FAM110B: variants seen among roughly 807,000 people sequenced by gnomAD.
FAM110B encodes the protein family with sequence similarity 110 member B.
Under a neutral mutation model 20.4 loss-of-function variants are expected in FAM110B, and 6 were observed. The observed-to-expected ratio is 0.29, with a 90% CI of 0.16 to 0.58. The LOEUF is 0.58. FAM110B is among the 20% of genes least tolerant of loss of function. The pLI is 0.90. For synonymous variants in FAM110B, 226 were observed against 214.1 expected (o/e 1.06, Z -0.49); for missense variants, 434 against 498.2 (o/e 0.87, Z 1.23).
chr8:58,045,665 A>G (rs1805305675), intron 2 of FAM110B, among the ~76,000 whole-genome samples: 1 of 152,212 alleles, frequency 6.6e-6, no homozygotes, highest in South Asian at 2.1e-4. Flanking sequence ...TAAAATTCAA[A>G]AGTCATCGGC....
At chr8:57,997,712 T>C (rs1219257204) in intron 1 of FAM110B, among the ~76,000 whole-genome samples, 1 of 152,132 alleles carries the variant, frequency 6.6e-6, no homozygotes, top group African/African-American at 2.4e-5. Context: ...CCAAGAAAAA[T>C]ACATTCATTC....
rs1804743507 is a variant in FAM110B at position 58,021,079 on chromosome 8, T to G, written c.-511-10527T>G. 2.0e-5 allele frequency among the ~76,000 whole-genome samples: 3 copies of G among 152,320 alleles called. No homozygotes were observed. The South Asian group carries it at 6.2e-4, about 32-fold the overall frequency. On this transcript the variant is annotated intron_variant, in intron 1 of 3. Transcript: ENST00000519262. ...TGCCATCGGATGGAAGGCTTTTTTGTGCTTCTAATTAGACACAGAAATCTT... is the reference window on the plus strand; with the variant it reads ...TGCCATCGGATGGAAGGCTTTTTTGGGCTTCTAATTAGACACAGAAATCTT...
At chr8:58,085,076 G>C (rs1449780471) in intron 3 of FAM110B, among the ~76,000 whole-genome samples, 5 of 152,172 alleles carry the variant, frequency 3.3e-5, no homozygotes, top group Non-Finnish European at 5.9e-5. Context: ...TCAAAAACAG[G>C]AGAAAAAGCA....
chr8:58,050,028 G>T (rs1055601003), intron 2 of FAM110B, among the ~76,000 whole-genome samples: 4 of 152,124 alleles, frequency 2.6e-5, no homozygotes, highest in Admixed American at 6.5e-5. Context: ...TGTCATTGAT[G>T]TGACATTAAT....
At chr8:58,075,275 TTGTG>T (rs60073899) in intron 2 of FAM110B, among the ~76,000 whole-genome samples, 2 of 141,740 alleles carry the variant, frequency 1.4e-5, no homozygotes, top group Non-Finnish European at 1.5e-5. Flanking sequence ...TTTTTTTTTT[TTGTG>T]TGTGTGTGTG....
chr8:58,025,514 C>T (rs1804837283), intron 1 of FAM110B, among the ~76,000 whole-genome samples: 1 of 152,032 alleles, frequency 6.6e-6, no homozygotes, highest in South Asian at 2.1e-4. Context: ...TGGCCTTGAT[C>T]TTGTAGGTGA....
At chr8:58,035,029 T>G (rs1156551948) in intron 2 of FAM110B, among the ~76,000 whole-genome samples, 1 of 152,208 alleles carries the variant, frequency 6.6e-6, no homozygotes, top group Non-Finnish European at 1.5e-5. Flanking sequence ...AAAGCTTTGG[T>G]TATGATTGAC....
Position 58,086,515 on chromosome 8 carries a change from C to T in FAM110B, c.-325+10892C>T, listed in dbSNP as rs544873540. ...TTCAGTCAGTATCTTGTTTTTCAGA[C>T]GACTGAAACCTGGCTTTGAAGTGCT... On this transcript the variant is annotated intron_variant, in intron 3 of 3. Transcript: ENST00000519262. Among the ~76,000 whole-genome samples the T allele has an allele frequency of 5.1e-4, 78 of 152,184 alleles. 1 individual carries two copies. The highest frequency in any genetic ancestry group is 7.8e-4 in the Non-Finnish European group (53 of 68,004).
At chr8:58,108,469 C>A (rs1056326590) in intron 3 of FAM110B, among the ~76,000 whole-genome samples, 3 of 152,178 alleles carry the variant, frequency 2.0e-5, no homozygotes, top group African/African-American at 7.2e-5. Context: ...TGAAACAACA[C>A]ACAGAACCTC....
intron 2 of FAM110B, among the ~76,000 whole-genome samples, chr8:58,048,286 G>T (rs1805370910): frequency 6.6e-6 from 1 of 152,102 alleles, no homozygotes; most frequent in Non-Finnish European, 1.5e-5. Flanking sequence ...TATTTTGGTG[G>T]TCCTGATTTT....
At chr8:58,071,477 C>A (rs1400678176) in intron 2 of FAM110B, among the ~76,000 whole-genome samples, 1 of 152,174 alleles carries the variant, frequency 6.6e-6, no homozygotes, top group African/African-American at 2.4e-5. Context: ...TATTTCTCTG[C>A]TCCTGAAAAA....
intron 2 of FAM110B, among the ~76,000 whole-genome samples, chr8:58,060,583 G>A (rs1184625064): frequency 6.6e-6 from 1 of 151,432 alleles, no homozygotes; most frequent in East Asian, 1.9e-4. Flanking sequence ...TATTTTTTTT[G>A]CTCCCTAACA....
intron 2 of FAM110B, among the ~76,000 whole-genome samples, chr8:58,041,232 G>A (rs569846363): frequency 2.0e-4 from 30 of 152,060 alleles, no homozygotes; most frequent in Non-Finnish European, 3.8e-4. Context: ...GAGCCACCGC[G>A]CGCAGCCGAA....
At chr8:58,130,427 G>T (rs900919474) in intron 3 of FAM110B, among the ~76,000 whole-genome samples, 7 of 152,170 alleles carry the variant, frequency 4.6e-5, no homozygotes, top group African/African-American at 1.2e-4. Flanking sequence ...TGGGGGAGGG[G>T]ACTCACATGT....
intron 1 of FAM110B, among the ~76,000 whole-genome samples, chr8:58,001,844 A>G (rs36116954): frequency 6.6e-6 from 1 of 152,154 alleles, no homozygotes; most frequent in Non-Finnish European, 1.5e-5. Context: ...GAGAACCAGA[A>G]CCAATAGAAT....
chr8:58,103,573 A>G (rs1048077654), intron 3 of FAM110B, among the ~76,000 whole-genome samples: 14 of 152,202 alleles, frequency 9.2e-5, no homozygotes, highest in Non-Finnish European at 2.1e-4. Context: ...AACCTTGATA[A>G]TAAATTGCAA....
intron 3 of FAM110B, among the ~76,000 whole-genome samples, chr8:58,107,333 G>GT (rs1224632998): frequency 1.3e-5 from 2 of 151,984 alleles, no homozygotes; most frequent in African/African-American, 2.4e-5. Flanking sequence ...CAACATTAAA[G>GT]TTTTTTGTTG....
intron 3 of FAM110B, among the ~76,000 whole-genome samples, chr8:58,111,827 T>C (rs1807065470): frequency 6.6e-6 from 1 of 152,182 alleles, no homozygotes; most frequent in South Asian, 2.1e-4. Context: ...ACCCATTCAC[T>C]TCACACCTAG....
intron 3 of FAM110B, among the ~76,000 whole-genome samples, chr8:58,078,468 T>TTATTCA (rs1806092858): frequency 6.6e-6 from 1 of 152,158 alleles, no homozygotes; most frequent in South Asian, 2.1e-4. Flanking sequence ...TCTTGTTATC[T>TTATTCA]TATTCAAACT....
Sources: gnomAD v4.1 joint callset for allele counts (sites outside exome capture counted in the v4.1 genomes callset) on GRCh38, gnomAD v4.1.1 for gene constraint, MANE v1.5 for transcripts, NCBI Gene and HGNC (gene_info 2026-07-23, HGNC 2026-07-21) for gene names.